The following NPAS3 variants were observed in gnomAD, a reference collection of about 807,000 sequenced individuals.
NPAS3 encodes neuronal PAS domain protein 3, also known as neuronal PAS domain-containing protein 3.
Under a neutral mutation model 73.1 loss-of-function variants are expected in NPAS3, and 14 were observed. That is an observed-to-expected ratio of 0.19 (90% confidence interval 0.13 to 0.30). NPAS3 has a LOEUF of 0.30. Among genes scored for constraint, NPAS3 ranks in the 10% least tolerant of loss-of-function variants. The pLI is 1.00. For missense variants in NPAS3, 1,096 were observed against 1,250.0 expected, an observed-to-expected ratio of 0.88 and a Z score of 1.86; for synonymous variants, 620 against 541.5, an observed-to-expected ratio of 1.14 and a Z score of -2.01.
chr14:33,687,713 T>C (rs1268615781), intron 6 of NPAS3, among the ~76,000 whole-genome samples: 2 of 152,234 alleles, frequency 1.3e-5, no homozygotes, highest in African/African-American at 4.8e-5. Flanking sequence ...TAGTTGCATG[T>C]CTATAGTTTA....
intron 4 of NPAS3, among the ~76,000 whole-genome samples, chr14:33,389,794 AAC>A (rs2138583291): frequency 6.6e-6 from 1 of 152,330 alleles, no homozygotes; most frequent in South Asian, 2.1e-4. Flanking sequence ...TTACAAATCA[AAC>A]ACAAATTATT....
At chr14:33,441,238 CTT>C (rs2049233538) in intron 4 of NPAS3, among the ~76,000 whole-genome samples, 1 of 152,200 alleles carries the variant, frequency 6.6e-6, no homozygotes, top group South Asian at 2.1e-4. Context: ...ATTCTATAAA[CTT>C]ATTATGCATA....
intron 4 of NPAS3, among the ~76,000 whole-genome samples, chr14:33,505,773 G>C (rs2052728796): frequency 6.6e-6 from 1 of 151,868 alleles, no homozygotes; most frequent in African/African-American, 2.4e-5. Context: ...GCATTCAAAT[G>C]CCCTGATGTC....
intron 6 of NPAS3, chr14:33,680,897 C>T (rs1351878296): frequency 1.0e-5 from 5 of 488,032 alleles, no homozygotes; most frequent in African/African-American, 2.0e-5. Context: ...CAAAATCTAG[C>T]CTGTTTTGTG....
chr14:33,301,742 T>C (rs1171593571), intron 3 of NPAS3, among the ~76,000 whole-genome samples: 1 of 152,204 alleles, frequency 6.6e-6, no homozygotes, highest in Non-Finnish European at 1.5e-5. Context: ...CAGTATAAAC[T>C]ACTAATTCTG....
chr14:33,527,725 A>T (rs137856080), intron 4 of NPAS3, among the ~76,000 whole-genome samples: 57 of 152,300 alleles, frequency 3.7e-4, no homozygotes, highest in African/African-American at 1.3e-3. Flanking sequence ...GTTTCCAAGA[A>T]TTAGGTAAAG....
At chr14:33,430,970 G>T (rs2048760696) in intron 4 of NPAS3, among the ~76,000 whole-genome samples, 1 of 152,158 alleles carries the variant, frequency 6.6e-6, no homozygotes, top group Non-Finnish European at 1.5e-5. Flanking sequence ...AGACTCCAGT[G>T]CATATCCTCA....
At chr14:33,017,634 G>A (rs2039441861) in intron 1 of NPAS3, among the ~76,000 whole-genome samples, 2 of 152,240 alleles carry the variant, frequency 1.3e-5, no homozygotes, top group Admixed American at 1.3e-4. Flanking sequence ...ATGGTGTGGG[G>A]GTTAAGGGTG....
intron 1 of NPAS3, among the ~76,000 whole-genome samples, chr14:32,956,230 TTTAAG>T (rs1250402446): frequency 3.9e-5 from 6 of 152,150 alleles, no homozygotes; most frequent in African/African-American, 1.4e-4. Context: ...CCAATAATAA[TTTAAG>T]TTGATTAGGC....
At chr14:33,348,327 A>G (rs781170395) in intron 3 of NPAS3, among the ~76,000 whole-genome samples, 2 of 152,174 alleles carry the variant, frequency 1.3e-5, no homozygotes, top group Non-Finnish European at 2.9e-5. Context: ...GTGAGGAGGC[A>G]GGGAGGATGG....
chr14:33,650,407 G>C (rs779633218), intron 5 of NPAS3, among the ~76,000 whole-genome samples: 6 of 151,934 alleles, frequency 3.9e-5, no homozygotes, highest in Non-Finnish European at 8.8e-5. Context: ...TGTAGCTAGA[G>C]ACATCCCTCA....
chr14:33,118,566 C>T (rs1309368155), intron 2 of NPAS3, among the ~76,000 whole-genome samples: 1 of 152,070 alleles, frequency 6.6e-6, no homozygotes, highest in Non-Finnish European at 1.5e-5. Context: ...ATTAAAACAA[C>T]TTTCTTGTTA....
chr14:33,353,665 C>A (rs2045188662), intron 3 of NPAS3, among the ~76,000 whole-genome samples: 1 of 152,168 alleles, frequency 6.6e-6, no homozygotes, highest in Non-Finnish European at 1.5e-5. Flanking sequence ...AGTTTCATGT[C>A]TTCATGAACC....
chr14:33,199,144 G>A (rs1315692842), intron 2 of NPAS3, among the ~76,000 whole-genome samples: 2 of 152,262 alleles, frequency 1.3e-5, no homozygotes, highest in Non-Finnish European at 2.9e-5. Context: ...CCCGCAAGCA[G>A]AGGGAGCTGG....
intron 3 of NPAS3, among the ~76,000 whole-genome samples, chr14:33,268,567 T>G (rs1021804361): frequency 1.3e-5 from 2 of 152,128 alleles, no homozygotes; most frequent in Non-Finnish European, 2.9e-5. Context: ...ATGTAACCAC[T>G]CCTCTACTGG....
chr14:33,633,394 G>A (rs1483000846), intron 5 of NPAS3, among the ~76,000 whole-genome samples: 2 of 152,212 alleles, frequency 1.3e-5, no homozygotes, highest in Non-Finnish European at 2.9e-5. Context: ...AGAAAGTACA[G>A]TCATGTGTTG....
chr14:33,692,081 G>C (rs1318514223), intron 6 of NPAS3, among the ~76,000 whole-genome samples: 1 of 152,190 alleles, frequency 6.6e-6, no homozygotes, highest in African/African-American at 2.4e-5. Context: ...CAGTTACAGA[G>C]TGTTTATGCA....
chr14:33,007,990 T>C (rs2039057396), intron 1 of NPAS3, among the ~76,000 whole-genome samples: 2 of 152,212 alleles, frequency 1.3e-5, no homozygotes, highest in Non-Finnish European at 2.9e-5. Context: ...AAAGCCATAG[T>C]TTAAATTTAT....
chr14:32,982,035 T>C (rs1440585437), intron 1 of NPAS3, among the ~76,000 whole-genome samples: 1 of 152,202 alleles, frequency 6.6e-6, no homozygotes, highest in Non-Finnish European at 1.5e-5. Flanking sequence ...AACTCTGTCT[T>C]AGTTTTATGT....
Sources: gnomAD v4.1 joint callset for allele counts (sites outside exome capture counted in the v4.1 genomes callset) on GRCh38, gnomAD v4.1.1 for gene constraint, MANE v1.5 for transcripts, NCBI Gene and HGNC (gene_info 2026-07-23, HGNC 2026-07-21) for gene names.